Variants in RIN2 observed in about 807,000 individuals in gnomAD.
The protein encoded by RIN2 is Ras and Rab interactor 2.
RIN2 carries 36 observed loss-of-function variants against 78.0 expected under a neutral mutation model. The observed-to-expected ratio is 0.46, with a 90% confidence interval of 0.35 to 0.61. The LOEUF (loss-of-function observed/expected upper bound fraction) is 0.61, where lower values mean the gene tolerates loss of function less well. Ranked by LOEUF, RIN2 falls within the 20% of genes least tolerant of loss-of-function variation. The pLI is 0.00. For synonymous variants in RIN2, 466 were observed against 466.8 expected (o/e 1.00, Z 0.02); for missense variants, 1,087 against 1,159.7 (o/e 0.94, Z 0.91).
intron 6 of RIN2, 95 bp downstream of exon 6, chr20:19,960,906 G>A: frequency 1.4e-6 from 1 of 721,340 alleles, no homozygotes. Context: ...GAGATGGGCA[G>A]ATATGGGCCT....
chr20:19,794,807 T>C (rs575462991), intron 1 of RIN2, among the ~76,000 whole-genome samples: 2 of 152,312 alleles, frequency 1.3e-5, no homozygotes, highest in South Asian at 4.1e-4. Flanking sequence ...TCACAACGCC[T>C]CGCACCTACT....
chr20:19,894,431 A>G (rs1186332769), intron 3 of RIN2, among the ~76,000 whole-genome samples: 1 of 152,122 alleles, frequency 6.6e-6, no homozygotes, highest in Non-Finnish European at 1.5e-5. Flanking sequence ...CTCTTTTTAA[A>G]AAAATAGAGA....
chr20:19,798,644 ATG>A (rs768094084), intron 1 of RIN2, among the ~76,000 whole-genome samples: 3 of 152,042 alleles, frequency 2.0e-5, no homozygotes, highest in African/African-American at 7.2e-5. Context: ...ACGTGTGTGC[ATG>A]TGTGTTTGTG....
intron 3 of RIN2, among the ~76,000 whole-genome samples, chr20:19,910,604 T>G: frequency 6.7e-6 from 1 of 149,826 alleles, no homozygotes; most frequent in Non-Finnish European, 1.5e-5. Flanking sequence ...AGTCTCACTC[T>G]GTCACCCAGA....
Position 19,897,716 on chromosome 20 carries a change from C to T in RIN2, c.57+8058C>T, listed in dbSNP as rs867529091. Among the ~76,000 whole-genome samples the T allele has an allele frequency of 1.8e-3, 258 of 144,074 alleles. 1 individual carries two copies. Among genetic ancestry groups the T allele is most frequent in the East Asian group, 7.9e-3 (39 of 4,922 alleles). The allele number at this position is 144,074 out of a possible 152,430, so 94.5% of individuals were successfully genotyped here. ...CTCTCTCTGCAGGAACTGTTGGCTT[C>T]TTTTTTTTTTTTTGAGTTGGAATCT... On this transcript the variant is annotated intron_variant, in intron 3 of 12. Coordinates refer to ENST00000255006, the MANE Select transcript of RIN2 (RefSeq NM_018993.4).
chr20:19,900,673 G>A (rs554026923), intron 3 of RIN2, among the ~76,000 whole-genome samples: 3 of 150,918 alleles, frequency 2.0e-5, no homozygotes, highest in Admixed American at 6.6e-5. Context: ...AAATTAGGCT[G>A]GGTGTGGTGG....
chr20:19,967,798 C>T (rs1419315889), intron 7 of RIN2, among the ~76,000 whole-genome samples: 2 of 152,170 alleles, frequency 1.3e-5, no homozygotes, highest in African/African-American at 4.8e-5. Context: ...GCTAATGCTG[C>T]TTGTCCTCAG....
rs145788231 is a variant in RIN2, at chr20:19,964,215, G to A, written c.464-737G>A. ...TGTGAACACTGGAGCAGGGGTGGAG[G>A]GGGGAACAACACTCCAAGTAAATGG... On this transcript the variant is annotated intron_variant, in intron 6 of 12. Transcript: ENST00000255006. Among the ~76,000 whole-genome samples the A allele has an allele frequency of 2.1e-3, 319 of 151,624 alleles. 2 individuals are homozygous for A. Among genetic ancestry groups the A allele is most frequent in the African/African-American group, 7.2e-3 (297 of 41,300 alleles).
At chr20:19,993,467 C>G (rs530491662) in intron 11 of RIN2, among the ~76,000 whole-genome samples, 1 of 152,040 alleles carries the variant, frequency 6.6e-6, no homozygotes, top group Non-Finnish European at 1.5e-5. Context: ...CTTTTCCTGT[C>G]GGAGGGACCG....
chr20:19,942,376 A>C (rs1364478713), intron 4 of RIN2, among the ~76,000 whole-genome samples: 1 of 152,244 alleles, frequency 6.6e-6, no homozygotes, highest in Non-Finnish European at 1.5e-5. Flanking sequence ...AAGATAAAAA[A>C]TGCCCTAAAG....
At chr20:19,910,501 CTT>C (rs2039415787) in intron 3 of RIN2, among the ~76,000 whole-genome samples, 1 of 149,460 alleles carries the variant, frequency 6.7e-6, no homozygotes, top group African/African-American at 2.5e-5. Flanking sequence ...TTTTTCTTTT[CTT>C]CTTCTTTTTT....
At chr20:19,982,172 G>C (rs943277110) in intron 9 of RIN2, among the ~76,000 whole-genome samples, 1 of 152,132 alleles carries the variant, frequency 6.6e-6, no homozygotes, top group African/African-American at 2.4e-5. Context: ...GCGTGCTTAC[G>C]AGGTGTCAGA....
Position 19,822,366 on chromosome 20 carries a change from C to T in RIN2, c.-37+22619C>T, listed in dbSNP as rs115095635. 8.0e-3 allele frequency among the ~76,000 whole-genome samples: 1,219 copies of T among 152,212 alleles called. 15 individuals carry two copies. The highest frequency in any genetic ancestry group is 0.028 in the African/African-American group (1,150 of 41,524). On this transcript the variant is annotated intron_variant, in intron 2 of 12. Coordinates refer to ENST00000255006, the MANE Select transcript of RIN2 (RefSeq NM_018993.4). ...AGTTAGTATAGATGAATCCAAAGAA[C>T]GGCAAGAATTTTCAGAGGGTGGATC...
intron 2 of RIN2, chr20:19,824,026 C>T (rs1274619297): frequency 8.5e-6 from 7 of 819,714 alleles, no homozygotes; most frequent in East Asian, 8.0e-5. Context: ...AGCCGAAAGC[C>T]GAGAGAGCTG....
At chr20:19,786,388 CAG>C (rs1182287735) in intron 1 of RIN2, among the ~76,000 whole-genome samples, 2 of 152,176 alleles carry the variant, frequency 1.3e-5, no homozygotes, top group Non-Finnish European at 2.9e-5. Flanking sequence ...CCCGGGCAAA[CAG>C]ATCACATGAC....
At chr20:19,829,368 G>A (rs1285728338) in intron 2 of RIN2, among the ~76,000 whole-genome samples, 1 of 152,070 alleles carries the variant, frequency 6.6e-6, no homozygotes. Flanking sequence ...AAAAAAAAAT[G>A]GATTGAATCC....
chr20:19,876,079 G>A (rs139293700), intron 2 of RIN2, among the ~76,000 whole-genome samples: 1 of 152,280 alleles, frequency 6.6e-6, no homozygotes, highest in East Asian at 1.9e-4. Flanking sequence ...AGTCTGCACT[G>A]GAAGCTAAAT....
intron 2 of RIN2, among the ~76,000 whole-genome samples, chr20:19,816,197 T>C (rs2122853544): frequency 6.6e-6 from 1 of 152,376 alleles, no homozygotes; most frequent in Non-Finnish European, 1.5e-5. Context: ...AAGGGATTTT[T>C]CTTTATAAGC....
intron 1 of RIN2, among the ~76,000 whole-genome samples, chr20:19,777,776 C>G (rs76355521): frequency 1.9e-4 from 29 of 152,340 alleles, no homozygotes; most frequent in African/African-American, 7.0e-4. Flanking sequence ...AATAAACACT[C>G]AAAACACTGG....
Sources: gnomAD v4.1 joint callset for allele counts (sites outside exome capture counted in the v4.1 genomes callset) on GRCh38, gnomAD v4.1.1 for gene constraint, MANE v1.5 for transcripts, NCBI Gene and HGNC (gene_info 2026-07-23, HGNC 2026-07-21) for gene names.